The following ALKBH5 variants were observed in gnomAD, a reference collection of about 807,000 sequenced individuals.
The protein encoded by ALKBH5 is RNA demethylase ALKBH5.
Under a neutral mutation model 32.1 loss-of-function variants are expected in ALKBH5, and 2 were observed. The observed-to-expected ratio is 0.06, with a 90% CI of 0.03 to 0.20. The LOEUF (loss-of-function observed/expected upper bound fraction) is 0.20. Ranked by LOEUF, ALKBH5 falls within the 10% of genes least tolerant of loss-of-function variation. The probability of loss-of-function intolerance (pLI) is 1.00; values close to 1 mark genes in which losing one functional copy is unlikely to be tolerated. For synonymous variants in ALKBH5, 300 were observed against 231.7 expected, an observed-to-expected ratio of 1.29 and a Z score of -2.68; for missense variants, 352 against 559.5, an observed-to-expected ratio of 0.63 and a Z score of 3.74.
In ALKBH5 at chr17:18,185,089, C is replaced by G; in HGVS notation, c.770+76C>G. ...CCACCCTGGCCCAGAAAGCAGCAGC[C>G]CGTAGGAGTCTGCGTTTTTTACAGT... On this transcript the variant is annotated intron_variant, in intron 1 of 3. Transcript: ENST00000399138. The G allele has an allele frequency of 2.0e-6, 3 of 1,533,756 alleles. No homozygotes were observed. The Admixed American group carries it at 6.0e-5, about 31-fold the overall frequency.
chr17:18,184,858 G>C lies in ALKBH5; in HGVS notation c.615G>C (p.Val205=), dbSNP rs777228911. Reference sequence around the variant, plus strand: ...CCGGCGGCTGCATCGTGTCTCACGTGGACCCCATCCACATCTTCGAGCGCC... The same window carrying C: ...CCGGCGGCTGCATCGTGTCTCACGTCGACCCCATCCACATCTTCGAGCGCC... ...YQPGGCIVSH[V]DPIHIFERPI... Residue 205 remains valine, a synonymous_variant, in exon 1 of 4, where the codon GTG becomes GTC. Transcript: ENST00000399138. The C allele has an allele frequency of 3.1e-5, 50 of 1,614,108 alleles. No homozygotes were observed. Among genetic ancestry groups the C allele is most frequent in the Non-Finnish European group, 4.1e-5 (48 of 1,180,054 alleles).
At chr17:18,202,573 G>A (rs1243235104) in intron 2 of ALKBH5, among the ~76,000 whole-genome samples, 1 of 152,144 alleles carries the variant, frequency 6.6e-6, no homozygotes, top group Non-Finnish European at 1.5e-5. Context: ...GGAAAGCCAA[G>A]CTTTTAGCAC....
intron 1 of ALKBH5, among the ~76,000 whole-genome samples, chr17:18,191,427 A>G (rs1308611303): frequency 6.6e-6 from 1 of 152,168 alleles, no homozygotes; most frequent in East Asian, 1.9e-4. Flanking sequence ...GCTCCGTGGC[A>G]GGAACCTGAC....
intron 2 of ALKBH5, among the ~76,000 whole-genome samples, chr17:18,206,278 C>T (rs1021170837): frequency 1.3e-5 from 2 of 152,284 alleles, no homozygotes; most frequent in South Asian, 2.1e-4. Context: ...GATGACTGCT[C>T]ATGGTTGTGG....
intron 2 of ALKBH5, among the ~76,000 whole-genome samples, chr17:18,204,449 TA>T (rs35918446): frequency 0.35 from 49,218 of 142,234 alleles, 8,531 homozygotes; most frequent in Non-Finnish European, 0.41. Flanking sequence ...AAAACTCTCT[TA>T]AAAAAAAAAA....
At chr17:18,194,148 CGGGGGGCAGGGGGT>C (rs975801353) in intron 1 of ALKBH5, among the ~76,000 whole-genome samples, 1 of 74,916 alleles carries the variant, frequency 1.3e-5, no homozygotes, top group Admixed American at 1.3e-4. Flanking sequence ...TTTTTTTGGG[CGGGGGGCAGGGGGT>C]GGGGGTCAGT....
Position 18,208,501 on chromosome 17 carries a change from G to GT in ALKBH5, c.*111dup. 2 of 1,305,068 alleles carry GT rather than the reference G, an allele frequency of 1.5e-6. No homozygotes were observed. Among genetic ancestry groups the GT allele is most frequent in the Non-Finnish European group, 1.1e-6 (1 of 934,314 alleles). The allele number at this position is 1,305,068 out of a possible 1,614,324, so 80.8% of individuals were successfully genotyped here. On this transcript the variant is annotated 3_prime_UTR_variant, in exon 4 of 4. Transcript: ENST00000399138. ...GTTCATTGGGGGGTTTTTGTTTTTTGTTTTTTGTTTTTTTTGATTCTATAT... is the reference window on the plus strand; with the variant it reads ...GTTCATTGGGGGGTTTTTGTTTTTTGTTTTTTTGTTTTTTTTGATTCTATAT...
chr17:18,193,565 A>T (rs80200367), intron 1 of ALKBH5, among the ~76,000 whole-genome samples: 4,354 of 152,072 alleles, frequency 0.029, 130 homozygotes, highest in African/African-American at 0.073. Flanking sequence ...AAAATTAAAT[A>T]AAATAAAGGT....
intron 1 of ALKBH5, among the ~76,000 whole-genome samples, chr17:18,188,618 G>A (rs1046985780): frequency 5.3e-5 from 8 of 152,230 alleles, no homozygotes; most frequent in African/African-American, 1.9e-4. Context: ...AGTCAGGGCT[G>A]TGCACCGTCA....
chr17:18,195,108 G>C (rs1416805579), intron 2 of ALKBH5, 73 bp downstream of exon 2: 2 of 1,302,324 alleles, frequency 1.5e-6, no homozygotes, highest in Non-Finnish European at 2.2e-6. Context: ...GGTCCACTTA[G>C]AACTCAGCTC....
intron 2 of ALKBH5, 132 bp downstream of exon 2, chr17:18,195,167 CT>C: frequency 4.5e-6 from 3 of 665,424 alleles, no homozygotes; most frequent in Non-Finnish European, 7.5e-6. Context: ...GTTAAGTTCT[CT>C]TTTTATTTGA....
chr17:18,184,285 C>G lies in ALKBH5; in HGVS notation c.42C>G (p.Leu14=). The change falls in exon 1 of 4, where the codon CTC becomes CTG. Residue 14 remains leucine (L), a synonymous_variant. Coordinates refer to ENST00000399138, the MANE Select transcript of ALKBH5 (RefSeq NM_017758.4). ...GCTACACGGACCTGCGTGAGAAGCTCAAGTCCATGACGTCCCGGGACAACT... is the reference window on the plus strand; with the variant it reads ...GCTACACGGACCTGCGTGAGAAGCTGAAGTCCATGACGTCCCGGGACAACT... The part of the protein sequence containing the change: ...ASGYTDLREK[L]KSMTSRDNYK... 6.5e-7 allele frequency: 1 copy of G among 1,527,328 alleles called. No individual in the cohort carries two copies. The highest frequency in any genetic ancestry group is 8.8e-7 in the Non-Finnish European group (1 of 1,140,320). 94.6% of individuals were successfully genotyped at this position (1,527,328 alleles called of 1,614,324 possible). A position where few individuals can be genotyped will look rare whatever the true frequency, so the allele number is the denominator to read the frequency against.
intron 1 of ALKBH5, among the ~76,000 whole-genome samples, chr17:18,192,054 G>A (rs151250393): frequency 4.0e-4 from 61 of 152,276 alleles, no homozygotes; most frequent in African/African-American, 1.4e-3. Context: ...CCCCCAGTGT[G>A]GAATGATAAA....
At chr17:18,199,436 C>A (rs1188645885) in intron 2 of ALKBH5, among the ~76,000 whole-genome samples, 3 of 152,198 alleles carry the variant, frequency 2.0e-5, no homozygotes, top group Non-Finnish European at 1.5e-5. Flanking sequence ...TCCCATGATT[C>A]CCTAGTGCTC....
rs1380139094 is a variant in ALKBH5 at position 18,183,926 on chromosome 17, G to T, written c.-318G>T. ...GTGCGGGCCGGGCCGGGCGTCCGAG[G>T]GTCTGGTCGGGAGTCGGGCCGCGTC... On this transcript the variant is annotated 5_prime_UTR_variant, in exon 1 of 4. Transcript: ENST00000399138. 3.6e-6 allele frequency: 2 copies of T among 553,794 alleles called. No individual in the cohort carries two copies. The highest frequency in any genetic ancestry group is 2.0e-5 in the African/African-American group (1 of 50,492). The allele number at this position is 553,794 out of a possible 1,614,324, so 34.3% of individuals were successfully genotyped here.
chr17:18,190,519 A>AGCCT (rs1386540195), intron 1 of ALKBH5, among the ~76,000 whole-genome samples: 2 of 149,440 alleles, frequency 1.3e-5, no homozygotes, highest in Admixed American at 6.7e-5. Flanking sequence ...ACTGCATTCC[A>AGCCT]GCCTAGGCAA....
chr17:18,203,085 A>G (rs1009475927), intron 2 of ALKBH5, among the ~76,000 whole-genome samples: 1 of 151,796 alleles, frequency 6.6e-6, no homozygotes, highest in African/African-American at 2.4e-5. Context: ...AAAAAAAAAA[A>G]AAAAAAGAGT....
chr17:18,196,513 G>A (rs2047205488), intron 2 of ALKBH5, among the ~76,000 whole-genome samples: 1 of 152,176 alleles, frequency 6.6e-6, no homozygotes, highest in Admixed American at 6.5e-5. Context: ...GAGCCACCAT[G>A]CCCAGCCTGC....
intron 2 of ALKBH5, among the ~76,000 whole-genome samples, chr17:18,201,798 T>TAGATAGGATAGATAGGATAGATA (rs1567676680): frequency 1.3e-4 from 7 of 52,900 alleles, no homozygotes; most frequent in Admixed American, 3.5e-4. Flanking sequence ...ATAGATAAGA[T>TAGATAGGATAGATAGGATAGATA]AGATAGATAG....
Sources: allele counts gnomAD v4.1 joint callset (sites outside exome capture counted in the v4.1 genomes callset), GRCh38; gene constraint gnomAD v4.1.1; transcripts MANE v1.5; gene names NCBI Gene and HGNC (gene_info 2026-07-23, HGNC 2026-07-21).